The following KDM2A variants were observed in gnomAD, a reference collection of about 807,000 sequenced individuals.
KDM2A encodes the protein lysine-specific demethylase 2A.
A neutral mutation model predicts 137.3 loss-of-function variants in KDM2A; 3 were observed. The observed-to-expected ratio is 0.02, with a 90% confidence interval of 0.01 to 0.06. The LOEUF is 0.06. KDM2A is among the 10% of genes least tolerant of loss of function. The probability of loss-of-function intolerance (pLI) is 1.00; values close to 1 mark genes in which losing one functional copy is unlikely to be tolerated. For synonymous variants in KDM2A, 512 were observed against 541.5 expected (o/e 0.95, Z 0.76); for missense variants, 738 against 1,510.6 (o/e 0.49, Z 8.48).
chr11:67,169,696 CTTTCTTT>C (rs1041023855), intron 2 of KDM2A, among the ~76,000 whole-genome samples: 10 of 146,316 alleles, frequency 6.8e-5, no homozygotes, highest in East Asian at 2.2e-4. Context: ...TTTCTTTTTT[CTTTCTTT>C]TTTCTTTTTT....
intron 2 of KDM2A, among the ~76,000 whole-genome samples, chr11:67,122,148 C>T (rs924489638): frequency 6.6e-6 from 1 of 152,036 alleles, no homozygotes; most frequent in Non-Finnish European, 1.5e-5. Context: ...ATGAGGAAAG[C>T]GACAGAATTG....
chr11:67,183,792 T>G (rs1267482945), intron 5 of KDM2A, among the ~76,000 whole-genome samples: 1 of 152,006 alleles, frequency 6.6e-6, no homozygotes, highest in Non-Finnish European at 1.5e-5. Flanking sequence ...GAGTGCTGCT[T>G]CTGATCACAG....
At chr11:67,177,410 A>G (rs1856994266) in intron 2 of KDM2A, among the ~76,000 whole-genome samples, 1 of 152,078 alleles carries the variant, frequency 6.6e-6, no homozygotes, top group South Asian at 2.1e-4. Flanking sequence ...GTACAAAAGC[A>G]TTTTCTTTAT....
chr11:67,169,759 C>CTCTCTCTCTCTCTTT (rs756503460), intron 2 of KDM2A, among the ~76,000 whole-genome samples: 4 of 65,698 alleles, frequency 6.1e-5, no homozygotes, highest in Non-Finnish European at 4.8e-5. Context: ...CTCTCTCTCT[C>CTCTCTCTCTCTCTTT]TTTTTTTTTT....
chr11:67,218,250 T>C (rs1183312856), intron 9 of KDM2A, among the ~76,000 whole-genome samples: 1 of 152,104 alleles, frequency 6.6e-6, no homozygotes, highest in Admixed American at 6.5e-5. Context: ...GCTGGAGTGC[T>C]CAGTCAGGGA....
intron 5 of KDM2A, among the ~76,000 whole-genome samples, chr11:67,182,558 A>G (rs1452527355): frequency 7.4e-6 from 1 of 135,628 alleles, no homozygotes; most frequent in Non-Finnish European, 1.5e-5. Context: ...TTTGAGACGC[A>G]GTCTCCCTCT....
At position 67,253,568 on chromosome 11, in the gene KDM2A, C is replaced by T; in HGVS notation, c.3048C>T (p.Asp1016=). ...TTCGGTGGGCAGTAGGAATCAAGGA[C>T]CCTCAAATTCGGGACTTGCTTACTC... ...LDLRWAVGIK[D]PQIRDLLTPP... Residue 1016 remains aspartate (D), a synonymous_variant, in exon 19 of 21, where the codon GAC becomes GAT. Transcript: ENST00000529006. 1.9e-6 allele frequency: 3 copies of T among 1,613,908 alleles called. No individual in the cohort carries two copies. The South Asian group carries it at 3.3e-5, about 18-fold the overall frequency.
intron 5 of KDM2A, among the ~76,000 whole-genome samples, chr11:67,191,106 C>T (rs1857341951): frequency 6.6e-6 from 1 of 151,998 alleles, no homozygotes; most frequent in Non-Finnish European, 1.5e-5. Flanking sequence ...TGCAGTGGCG[C>T]GATCTCGGCT....
intron 2 of KDM2A, among the ~76,000 whole-genome samples, chr11:67,170,000 C>T (rs1856844696): frequency 6.6e-6 from 1 of 152,004 alleles, no homozygotes; most frequent in Non-Finnish European, 1.5e-5. Flanking sequence ...TCGTGATTTG[C>T]CCACCTCGGC....
chr11:67,248,483 A>C, intron 16 of KDM2A, 113 bp downstream of exon 16: 1 of 669,104 alleles, frequency 1.5e-6, no homozygotes, highest in Non-Finnish European at 2.6e-6. Flanking sequence ...GACCTAGGAG[A>C]TTATTTTTGT....
intron 2 of KDM2A, among the ~76,000 whole-genome samples, chr11:67,154,602 TTTC>T (rs1856473080): frequency 6.6e-6 from 1 of 152,072 alleles, no homozygotes; most frequent in Non-Finnish European, 1.5e-5. Flanking sequence ...TGGCTAATTT[TTTC>T]TTTTTTTTTT....
At chr11:67,198,554 C>T (rs1355059829) in intron 5 of KDM2A, among the ~76,000 whole-genome samples, 1 of 151,732 alleles carries the variant, frequency 6.6e-6, no homozygotes, top group Non-Finnish European at 1.5e-5. Context: ...ACTAAAAACA[C>T]AAAAAATTAG....
chr11:67,138,185 G>A (rs1159572779), intron 2 of KDM2A, among the ~76,000 whole-genome samples: 1 of 152,126 alleles, frequency 6.6e-6, no homozygotes, highest in African/African-American at 2.4e-5. Context: ...TTGACCGTGA[G>A]TCTCTTTTTA....
At chr11:67,155,908 G>A (rs181483666) in intron 2 of KDM2A, among the ~76,000 whole-genome samples, 163 of 141,104 alleles carry the variant, frequency 1.2e-3, no homozygotes, top group African/African-American at 3.9e-3. Context: ...GAGCCACTGC[G>A]CCTGGCCGGT....
At chr11:67,247,072 T>TATA (rs1491570916) in intron 15 of KDM2A, among the ~76,000 whole-genome samples, 1 of 18,338 alleles carries the variant, frequency 5.5e-5, no homozygotes, top group Non-Finnish European at 1.0e-4. Flanking sequence ...TATATATATA[T>TATA]TTTTTTTTTT....
intron 10 of KDM2A, among the ~76,000 whole-genome samples, chr11:67,223,359 G>A (rs944688067): frequency 7.9e-5 from 12 of 151,472 alleles, no homozygotes; most frequent in Non-Finnish European, 1.8e-4. Context: ...TTTAATGCCT[G>A]TATTTCATAT....
At chr11:67,201,143 G>A (rs1857609747) in intron 5 of KDM2A, among the ~76,000 whole-genome samples, 1 of 151,276 alleles carries the variant, frequency 6.6e-6, no homozygotes, top group African/African-American at 2.4e-5. Context: ...GCAGTGAGCC[G>A]AGATTGCACC....
At chr11:67,145,124 G>A (rs1195457325) in intron 2 of KDM2A, among the ~76,000 whole-genome samples, 3 of 143,836 alleles carry the variant, frequency 2.1e-5, no homozygotes, top group South Asian at 2.2e-4. Flanking sequence ...TGCCCAGCTT[G>A]GCCTCCCAAA....
intron 10 of KDM2A, among the ~76,000 whole-genome samples, chr11:67,220,384 T>C (rs1254961106): frequency 2.0e-5 from 3 of 152,202 alleles, no homozygotes; most frequent in Non-Finnish European, 2.9e-5. Flanking sequence ...ATTTTTATGC[T>C]CACAGAATAA....
Sources: gnomAD v4.1 joint callset for allele counts (sites outside exome capture counted in the v4.1 genomes callset) on GRCh38, gnomAD v4.1.1 for gene constraint, MANE v1.5 for transcripts, NCBI Gene and HGNC (gene_info 2026-07-23, HGNC 2026-07-21) for gene names.